POLR1E: variants seen among roughly 807,000 people sequenced by gnomAD.
The protein encoded by POLR1E is DNA-directed RNA polymerase I subunit RPA49.
Under a neutral mutation model 50.9 loss-of-function variants are expected in POLR1E, and 37 were observed. The ratio of observed to expected loss-of-function variants is 0.73; its 90% CI spans 0.56 to 0.96. The LOEUF is 0.96. Among genes scored for constraint, POLR1E ranks in the 40% least tolerant of loss-of-function variants. The probability of loss-of-function intolerance (pLI) is 0.00; values close to 1 mark genes in which losing one functional copy is unlikely to be tolerated. For missense variants in POLR1E, 426 were observed against 518.1 expected, an observed-to-expected ratio of 0.82 and a Z score of 1.73; for synonymous variants, 166 against 191.6, an observed-to-expected ratio of 0.87 and a Z score of 1.10.
In POLR1E at chr9:37,503,037, C is replaced by T; in HGVS notation, c.1101-6C>T. On this transcript the variant is annotated splice_region_variant and splice_polypyrimidine_tract_variant and intron_variant, in intron 11 of 11. Coordinates refer to ENST00000377798, the MANE Select transcript of POLR1E (RefSeq NM_022490.4). ...TCTCCAGTTCTTCTGTTTATGTCTT[C>T]CTTAGGATGATGGAGATAGCCAAAG... 1 of 1,608,870 alleles carries T rather than the reference C, an allele frequency of 6.2e-7. No homozygotes were observed.
Position 37,493,583 on chromosome 9 carries a change from G to GA in POLR1E, c.427_428insA (p.Gly143GlufsTer20), listed in dbSNP as rs1367770846. The stretch of plus-strand genomic sequence containing the variant: ...GATGGATTCTTGTATTGAAGCCTTT[G>GA]GTACCACCAAACAGAAGCGAGCTCT... On this transcript the variant is annotated frameshift_variant, in exon 6 of 12. Transcript: ENST00000377798. LOFTEE classifies it high-confidence loss of function. The GA allele has an allele frequency of 6.2e-7, 1 of 1,607,234 alleles. No homozygotes were observed. The highest frequency in any genetic ancestry group is 2.2e-5 in the East Asian group (1 of 44,608).
chr9:37,498,296 C>A, intron 9 of POLR1E, 72 bp downstream of exon 9: 1 of 1,475,288 alleles, frequency 6.8e-7, no homozygotes, highest in Non-Finnish European at 9.3e-7. Flanking sequence ...TAGATGAGTT[C>A]TGATGAGAGA....
At position 37,489,301 on chromosome 9, in the gene POLR1E, T is replaced by G; in HGVS notation, c.258-14T>G. 6.4e-7 allele frequency: 1 copy of G among 1,556,178 alleles called. No homozygotes were observed. Among genetic ancestry groups the G allele is most frequent in the Non-Finnish European group, 8.7e-7 (1 of 1,142,934 alleles). On this transcript the variant is annotated splice_polypyrimidine_tract_variant and intron_variant, in intron 3 of 11. Coordinates refer to ENST00000377798, the MANE Select transcript of POLR1E (RefSeq NM_022490.4). ...ATAATCCATTGTTATTTGTATTATT[T>G]CTTCTTTATTCAGGCACTTTGTGGG...
At chr9:37,499,717 C>T (rs536298394) in intron 9 of POLR1E, among the ~76,000 whole-genome samples, 52 of 151,528 alleles carry the variant, frequency 3.4e-4, no homozygotes, top group African/African-American at 1.0e-3. Context: ...TTAGTAGAGA[C>T]GGGGTTTTTC....
chr9:37,503,167 TCAGA>T lies in POLR1E; in HGVS notation c.1227_1230del (p.Asp410AlafsTer63). 6.2e-7 allele frequency: 1 copy of T among 1,611,946 alleles called. No homozygotes were observed. The highest frequency in any genetic ancestry group is 8.5e-7 in the Non-Finnish European group (1 of 1,179,472). Reference sequence around the variant, plus strand: ...CCTCCCGCTGCCTCCAGCCCAGACCTCAGACCGCCTGGCAAAGCGGAGGAAGATT... The same window carrying T: ...CCTCCCGCTGCCTCCAGCCCAGACCTCCGCCTGGCAAAGCGGAGGAAGATT... On this transcript the variant is annotated frameshift_variant, in exon 12 of 12. Coordinates refer to ENST00000377798, the MANE Select transcript of POLR1E (RefSeq NM_022490.4). LOFTEE classifies it high-confidence loss of function.
intron 3 of POLR1E, among the ~76,000 whole-genome samples, 171 bp from the exon 4 acceptor site, chr9:37,489,144 A>G (rs1027344475): frequency 6.6e-6 from 1 of 151,992 alleles, no homozygotes; most frequent in African/African-American, 2.4e-5. Context: ...AGGCTGAGAC[A>G]GGAGAATTGC....
At chr9:37,500,245 C>T (rs923234905) in intron 9 of POLR1E, among the ~76,000 whole-genome samples, 37 of 151,870 alleles carry the variant, frequency 2.4e-4, no homozygotes, top group Non-Finnish European at 3.8e-4. Context: ...GGTGCAGTGG[C>T]GCAATCTTGG....
chr9:37,501,906 C>G lies in POLR1E; in HGVS notation c.1100+62C>G, dbSNP rs947400010. The G allele has an allele frequency of 2.2e-5, 34 of 1,540,272 alleles. No homozygotes were observed. In the African/African-American group the frequency reaches 4.6e-4, roughly 21 times the overall value. On this transcript the variant is annotated intron_variant, in intron 11 of 11. Coordinates refer to ENST00000377798, the MANE Select transcript of POLR1E (RefSeq NM_022490.4). Reference sequence around the variant, plus strand: ...TCTCGATGTCTTATTTCTGGTACCACTGGAAAGCATGAGGCACCACCAAGG... The same window carrying G: ...TCTCGATGTCTTATTTCTGGTACCAGTGGAAAGCATGAGGCACCACCAAGG...
intron 4 of POLR1E, among the ~76,000 whole-genome samples, chr9:37,490,056 G>A (rs1420625370): frequency 6.6e-6 from 1 of 152,170 alleles, no homozygotes; most frequent in Non-Finnish European, 1.5e-5. Context: ...TAGAGGACAT[G>A]TCTGATATAA....
At chr9:37,490,305 T>G (rs1820657915) in intron 4 of POLR1E, 2 of 462,126 alleles carry the variant, frequency 4.3e-6, no homozygotes, top group Non-Finnish European at 7.8e-6. Flanking sequence ...CATAATGAAC[T>G]AGGACATAAT....
rs777797212 is a variant in POLR1E at position 37,495,985 on chromosome 9, A to G, written c.751A>G (p.Ser251Gly). 14 of 1,611,834 alleles carry G rather than the reference A, an allele frequency of 8.7e-6. No homozygotes were observed. The highest frequency in any genetic ancestry group is 2.7e-5 in the African/African-American group (2 of 74,872). The stretch of plus-strand genomic sequence containing the variant: ...AATACTGAAGATGATTGAGGAGAAC[A>G]GGTACCCTGACTTAAGCAGATGGGG... ...EEILKMIEEN[S>G]HCTFVIEALK... The change falls in exon 8 of 12, where the codon AGC (serine) becomes GGC (glycine). Residue 251 changes from serine to glycine, a missense_variant and splice_region_variant. Coordinates refer to ENST00000377798, the MANE Select transcript of POLR1E (RefSeq NM_022490.4).
Position 37,495,159 on chromosome 9 carries a change from T to C in POLR1E, c.548-10T>C, listed in dbSNP as rs1304966045. On this transcript the variant is annotated splice_polypyrimidine_tract_variant and intron_variant, in intron 6 of 11. Coordinates refer to ENST00000377798, the MANE Select transcript of POLR1E (RefSeq NM_022490.4). Reference sequence around the variant, plus strand: ...CAGGGTGATACATGGATTGTTTCTTTATTGAAAAGCTCTGGTCAGCGATGC... The same window carrying C: ...CAGGGTGATACATGGATTGTTTCTTCATTGAAAAGCTCTGGTCAGCGATGC... The C allele has an allele frequency of 6.2e-7, 1 of 1,608,098 alleles. No homozygotes were observed. The highest frequency in any genetic ancestry group is 1.7e-4 in the Middle Eastern group (1 of 6,054).
rs1276358671 is a variant in POLR1E, at chr9:37,487,868, T to C, written c.186T>C (p.Ala62=). 6.2e-7 allele frequency: 1 copy of C among 1,614,072 alleles called. No individual in the cohort carries two copies. The highest frequency in any genetic ancestry group is 1.3e-5 in the African/African-American group (1 of 74,942). Residue 62 remains alanine, a synonymous_variant, in exon 3 of 12, where the codon GCT becomes GCC. Transcript: ENST00000377798. ...TTCCCCTCTCTGCATTTTAGGCAGC[T>C]GAAACAGATAGGCTCTCCTATGTGG... The part of the protein sequence containing the change: ...PRKRNQRILA[A]ETDRLSYVGN...
At chr9:37,492,421 T>C in intron 4 of POLR1E, 1 of 1,001,310 alleles carries the variant, frequency 1.0e-6, no homozygotes, top group Non-Finnish European at 1.4e-6. Context: ...ATTTCTAAAA[T>C]GAAGAGGTTG....
At position 37,495,201 on chromosome 9, in the gene POLR1E, C is replaced by T. The variant is rs1293305776; in HGVS notation, c.580C>T (p.Gln194Ter). The change falls in exon 7 of 12, where the codon CAA becomes TAA. Residue 194 changes from glutamine (Q) to a stop codon, truncating the protein, a stop_gained. Transcript: ENST00000377798. LOFTEE classifies it high-confidence loss of function. ...LVSDAIHNDL[Q>*]DDSLYLPPCY... ...CAGCGATGCTATCCACAATGACTTG[C>T]AAGATGACTCCCTCTACCTTCCTCC... The T allele has an allele frequency of 1.2e-6, 2 of 1,614,152 alleles. No homozygotes were observed. Among genetic ancestry groups the T allele is most frequent in the Admixed American group, 3.3e-5 (2 of 60,032 alleles).
chr9:37,486,293 C>A, intron 1 of POLR1E, 170 bp downstream of exon 1: 2 of 1,278,380 alleles, frequency 1.6e-6, no homozygotes, highest in Non-Finnish European at 2.1e-6. Context: ...GTCTTTCTGT[C>A]ACTACCTCCC....
At chr9:37,497,771 T>C (rs545948609) in intron 8 of POLR1E, among the ~76,000 whole-genome samples, 1 of 152,172 alleles carries the variant, frequency 6.6e-6, no homozygotes. Context: ...TCGTTTGTTT[T>C]TTTTTGTTTC....
At chr9:37,502,712 C>G (rs115213361) in intron 11 of POLR1E, among the ~76,000 whole-genome samples, 3,389 of 152,270 alleles carry the variant, frequency 0.022, 123 homozygotes, top group African/African-American at 0.078. Context: ...GTACTTGGAA[C>G]CTGTCAGATT....
In POLR1E at chr9:37,492,688, G is replaced by C. The variant is rs374096832; in HGVS notation, c.375G>C (p.Glu125Asp). Reference protein sequence around the residue: ...DVSVESELALESQTKTYREKM... With the variant: ...DVSVESELALDSQTKTYREKM... ...CAGTTGAGAGTGAACTGGCGCTAGAGAGTCAGACCAAAACTTACAGAGAAA... is the reference window on the plus strand; with the variant it reads ...CAGTTGAGAGTGAACTGGCGCTAGACAGTCAGACCAAAACTTACAGAGAAA... The change falls in exon 5 of 12, where the codon GAG becomes GAC. Residue 125 changes from glutamate (E) to aspartate (D), a missense_variant. Physicochemically the swap from Glu to Asp is conservative, Grantham distance 45. Coordinates refer to ENST00000377798, the MANE Select transcript of POLR1E (RefSeq NM_022490.4). 2 of 1,613,938 alleles carry C rather than the reference G, an allele frequency of 1.2e-6. No individual in the cohort carries two copies.
Sources: allele counts gnomAD v4.1 joint callset (sites outside exome capture counted in the v4.1 genomes callset), GRCh38; gene constraint gnomAD v4.1.1; transcripts MANE v1.5; gene names NCBI Gene and HGNC (gene_info 2026-07-23, HGNC 2026-07-21).